GABRG3: variants seen among roughly 807,000 people sequenced by gnomAD.
GABRG3 encodes gamma-aminobutyric acid type A receptor subunit gamma3.
GABRG3 carries 25 observed loss-of-function variants against 48.8 expected under a neutral mutation model. The ratio of observed to expected loss-of-function variants is 0.51; its 90% CI spans 0.37 to 0.72. GABRG3 has a LOEUF of 0.72. Among genes scored for constraint, GABRG3 ranks in the 30% least tolerant of loss-of-function variants. The probability of loss-of-function intolerance (pLI) is 0.00; values close to 1 mark genes in which losing one functional copy is unlikely to be tolerated. For missense variants in GABRG3, 394 were observed against 577.9 expected (o/e 0.68, Z 3.26); for synonymous variants, 227 against 217.6 (o/e 1.04, Z -0.38).
chr15:27,480,620 C>T (rs1463593393), intron 5 of GABRG3, 30 bp from the exon 6 acceptor site: 4 of 1,547,142 alleles, frequency 2.6e-6, no homozygotes, highest in Non-Finnish European at 3.5e-6. Context: ...TGTGTACCTT[C>T]AAGTGCTAAT....
intron 5 of GABRG3, among the ~76,000 whole-genome samples, chr15:27,343,112 G>C (rs1894247033): frequency 6.6e-6 from 1 of 152,184 alleles, no homozygotes; most frequent in South Asian, 2.1e-4. Flanking sequence ...GGTGGCTCAT[G>C]GATGGTACTG....
At chr15:27,098,364 G>T (rs1422582357) in intron 3 of GABRG3, among the ~76,000 whole-genome samples, 6 of 152,116 alleles carry the variant, frequency 3.9e-5, no homozygotes, top group Admixed American at 1.3e-4. Flanking sequence ...AACCTGGGAG[G>T]CAGAGGTTGC....
chr15:27,107,595 A>G (rs1329170107), intron 3 of GABRG3, among the ~76,000 whole-genome samples: 1 of 152,060 alleles, frequency 6.6e-6, no homozygotes, highest in East Asian at 1.9e-4. Context: ...ATTTTCTGCA[A>G]CAGTTTATAG....
intron 5 of GABRG3, among the ~76,000 whole-genome samples, chr15:27,423,755 A>G (rs1299317070): frequency 2.3e-5 from 2 of 86,678 alleles, no homozygotes; most frequent in Admixed American, 1.8e-4. Context: ...TTTTGTAGAG[A>G]TGATGTCTCA....
At chr15:27,078,490 A>G (rs774017637) in intron 3 of GABRG3, among the ~76,000 whole-genome samples, 2 of 152,206 alleles carry the variant, frequency 1.3e-5, no homozygotes, top group African/African-American at 2.4e-5. Flanking sequence ...AAGGAAAAAC[A>G]TGCCTTAACC....
chr15:27,493,794 G>A (rs1890415926), intron 6 of GABRG3, among the ~76,000 whole-genome samples: 1 of 152,182 alleles, frequency 6.6e-6, no homozygotes, highest in African/African-American at 2.4e-5. Flanking sequence ...GCCAGAGATT[G>A]TTAAGAACAC....
intron 5 of GABRG3, among the ~76,000 whole-genome samples, chr15:27,452,753 G>A (rs1346975716): frequency 6.6e-6 from 1 of 152,166 alleles, no homozygotes; most frequent in Non-Finnish European, 1.5e-5. Context: ...ATGTGTAAGT[G>A]CACTTGTGCA....
chr15:27,296,326 G>T (rs1297681413), intron 3 of GABRG3, among the ~76,000 whole-genome samples: 3 of 152,100 alleles, frequency 2.0e-5, no homozygotes, highest in Non-Finnish European at 4.4e-5. Flanking sequence ...GTAGAATTGT[G>T]TTATGGTTAT....
chr15:26,981,757 C>G (rs1372988774), intron 2 of GABRG3, among the ~76,000 whole-genome samples: 1 of 152,210 alleles, frequency 6.6e-6, no homozygotes, highest in Non-Finnish European at 1.5e-5. Context: ...TGGCTTGCTT[C>G]TTCTCCTTCA....
chr15:27,480,234 T>G (rs1429559179), intron 5 of GABRG3, among the ~76,000 whole-genome samples: 1 of 152,208 alleles, frequency 6.6e-6, no homozygotes, highest in Admixed American at 6.5e-5. Flanking sequence ...GAGATCTGGA[T>G]GGACTACATT....
At chr15:27,027,564 T>G (rs1369072516) in intron 3 of GABRG3, among the ~76,000 whole-genome samples, 1 of 152,236 alleles carries the variant, frequency 6.6e-6, no homozygotes, top group Non-Finnish European at 1.5e-5. Context: ...GTTCTGTGGA[T>G]GGAAATAACC....
chr15:27,513,086 TGAGAG>T (rs1244203247), intron 6 of GABRG3, among the ~76,000 whole-genome samples: 1 of 151,268 alleles, frequency 6.6e-6, no homozygotes, highest in African/African-American at 2.4e-5. Context: ...GATGAAAAGA[TGAGAG>T]GAGATATCAA....
At chr15:27,305,432 A>G (rs1413027856) in intron 3 of GABRG3, among the ~76,000 whole-genome samples, 1 of 150,016 alleles carries the variant, frequency 6.7e-6, no homozygotes, top group Non-Finnish European at 1.5e-5. Flanking sequence ...AAACATGTCA[A>G]CATGTAAATT....
At chr15:27,437,177 T>C (rs954163727) in intron 5 of GABRG3, among the ~76,000 whole-genome samples, 1 of 150,784 alleles carries the variant, frequency 6.6e-6, no homozygotes, top group Admixed American at 6.6e-5. Context: ...AAATTGTAGC[T>C]GCTTAGAGAA....
At chr15:27,314,468 G>A (rs2140509863) in intron 3 of GABRG3, among the ~76,000 whole-genome samples, 1 of 152,288 alleles carries the variant, frequency 6.6e-6, no homozygotes, top group South Asian at 2.1e-4. Context: ...TTGGGGGAAT[G>A]CAGAATAATA....
intron 3 of GABRG3, among the ~76,000 whole-genome samples, chr15:27,215,530 G>A (rs938835777): frequency 2.0e-5 from 3 of 152,134 alleles, no homozygotes; most frequent in African/African-American, 7.2e-5. Flanking sequence ...TTAATAGATT[G>A]TTCTAACCTC....
intron 2 of GABRG3, among the ~76,000 whole-genome samples, chr15:27,016,419 A>G (rs1001386722): frequency 6.6e-6 from 1 of 152,018 alleles, no homozygotes. Context: ...TTTTGAATAT[A>G]TTATCCAACT....
intron 3 of GABRG3, among the ~76,000 whole-genome samples, chr15:27,302,623 G>T (rs564512410): frequency 2.1e-4 from 32 of 152,118 alleles, no homozygotes; most frequent in Admixed American, 3.3e-4. Context: ...ATCAGTCAGT[G>T]CCATGAACCA....
chr15:27,238,264 G>A (rs1228673663), intron 3 of GABRG3, among the ~76,000 whole-genome samples: 1 of 152,226 alleles, frequency 6.6e-6, no homozygotes, highest in South Asian at 2.1e-4. Flanking sequence ...ATGTGTTTAA[G>A]TGGATACAGT....
Sources: gnomAD v4.1 joint callset for allele counts (sites outside exome capture counted in the v4.1 genomes callset) on GRCh38, gnomAD v4.1.1 for gene constraint, MANE v1.5 for transcripts, NCBI Gene and HGNC (gene_info 2026-07-23, HGNC 2026-07-21) for gene names.